The following YPEL2 variants were observed in gnomAD, a reference collection of about 807,000 sequenced individuals.
The protein encoded by YPEL2 is yippee like 2, also known as protein yippee-like 2.
Under a neutral mutation model 19.1 loss-of-function variants are expected in YPEL2, and 2 were observed. That is an observed-to-expected ratio of 0.10 (90% CI 0.04 to 0.33). The LOEUF (loss-of-function observed/expected upper bound fraction) is 0.33, where lower values mean the gene tolerates loss of function less well. YPEL2 is among the 10% of genes least tolerant of loss of function. YPEL2 has a pLI of 1.00. For missense variants in YPEL2, 66 were observed against 140.7 expected (o/e 0.47, Z 2.68); for synonymous variants, 52 against 50.0 (o/e 1.04, Z -0.17).
chr17:59,377,503 T>G (rs1480093664), intron 2 of YPEL2, among the ~76,000 whole-genome samples: 1 of 152,280 alleles, frequency 6.6e-6, no homozygotes, highest in East Asian at 1.9e-4. Context: ...GATGGGGATA[T>G]CTGATCATGG....
chr17:59,358,764 C>T (rs1351585028), intron 2 of YPEL2, among the ~76,000 whole-genome samples: 1 of 152,078 alleles, frequency 6.6e-6, no homozygotes, highest in Non-Finnish European at 1.5e-5. Flanking sequence ...CGCCCGCCTC[C>T]ACGCCCAGCT....
At chr17:59,347,474 T>TA (rs1377297224) in intron 1 of YPEL2, among the ~76,000 whole-genome samples, 2 of 152,152 alleles carry the variant, frequency 1.3e-5, no homozygotes, top group Non-Finnish European at 1.5e-5. Flanking sequence ...CTGAAAACTT[T>TA]AAGAGTGATG....
At chr17:59,374,555 G>C (rs750036321) in intron 2 of YPEL2, among the ~76,000 whole-genome samples, 1 of 152,170 alleles carries the variant, frequency 6.6e-6, no homozygotes, top group Non-Finnish European at 1.5e-5. Context: ...AATGTACTTC[G>C]GTTTGTGCAT....
At chr17:59,372,870 A>T (rs757637287) in intron 2 of YPEL2, among the ~76,000 whole-genome samples, 1 of 152,168 alleles carries the variant, frequency 6.6e-6, no homozygotes, top group African/African-American at 2.4e-5. Flanking sequence ...CATACAGTGT[A>T]GTGTTGTTAT....
intron 1 of YPEL2, among the ~76,000 whole-genome samples, chr17:59,338,084 C>G (rs188004858): frequency 1.6e-4 from 25 of 152,310 alleles, no homozygotes; most frequent in Admixed American, 1.4e-3. Context: ...TCAGCAATAC[C>G]TGGGTCTCCT....
rs1444804441 is a variant in YPEL2 at position 59,397,272 on chromosome 17, CACT to C, written c.*83_*85del. On this transcript the variant is annotated 3_prime_UTR_variant, in exon 5 of 5. Coordinates refer to ENST00000312655, the MANE Select transcript of YPEL2 (RefSeq NM_001005404.4). ...TTCCCAAGCGTGAGAGAGTGACTGA[CACT>C]TGGTTCCATCCATTTAGGGGCCTTG... The C allele has an allele frequency of 8.8e-7, 1 of 1,136,808 alleles. No homozygotes were observed. Among genetic ancestry groups the C allele is most frequent in the African/African-American group, 1.6e-5 (1 of 62,518 alleles). The allele number at this position is 1,136,808 out of a possible 1,614,324, so 70.4% of individuals were successfully genotyped here.
chr17:59,359,946 C>T (rs2047831982), intron 2 of YPEL2, among the ~76,000 whole-genome samples: 1 of 152,226 alleles, frequency 6.6e-6, no homozygotes. Context: ...GTTGCCCAGG[C>T]TGGAGTGCAG....
intron 2 of YPEL2, among the ~76,000 whole-genome samples, chr17:59,381,916 TC>T (rs1480639071): frequency 1.3e-5 from 2 of 152,132 alleles, no homozygotes; most frequent in African/African-American, 2.4e-5. Context: ...TTCCTTAACT[TC>T]CTTTCAGTCT....
rs113529064 is a variant in YPEL2 at position 59,348,664 on chromosome 17, G to A, written c.-195-4551G>A. On this transcript the variant is annotated intron_variant, in intron 1 of 4. Transcript: ENST00000312655. ...ATCTTCCTTTAATTTCCACTGTGAT[G>A]GATTATTAGTTCACTTAAAATGGTG... 1.3e-3 allele frequency among the ~76,000 whole-genome samples: 203 copies of A among 152,276 alleles called. 1 individual carries two copies. Among genetic ancestry groups the A allele is most frequent in the African/African-American group, 4.7e-3 (194 of 41,548 alleles).
intron 2 of YPEL2, among the ~76,000 whole-genome samples, chr17:59,383,633 TA>T (rs1281973694): frequency 3.8e-5 from 4 of 104,296 alleles, no homozygotes; most frequent in Non-Finnish European, 5.7e-5. Context: ...TATATATATA[TA>T]TATATATATA....
rs561695666 is a variant in YPEL2, at chr17:59,384,763, G to T, written c.118-3564G>T. ...TGCTGGGATACCACTGCCCTGGTAA[G>T]TCTCACAATGTTGCCTGTCTCCCTG... On this transcript the variant is annotated intron_variant, in intron 2 of 4. Transcript: ENST00000312655. Among the ~76,000 whole-genome samples, 5 of 152,352 alleles carry T rather than the reference G, an allele frequency of 3.3e-5. No homozygotes were observed. The East Asian group carries it at 9.6e-4, about 29-fold the overall frequency.
chr17:59,378,863 G>A (rs1006268579), intron 2 of YPEL2, among the ~76,000 whole-genome samples: 2 of 152,132 alleles, frequency 1.3e-5, no homozygotes, highest in African/African-American at 4.8e-5. Flanking sequence ...ACGGGAGGAG[G>A]GGCCTTAAGA....
At chr17:59,370,324 A>G (rs928323540) in intron 2 of YPEL2, among the ~76,000 whole-genome samples, 1 of 152,158 alleles carries the variant, frequency 6.6e-6, no homozygotes, top group Admixed American at 6.5e-5. Flanking sequence ...CGGCCTCCCA[A>G]AGTGCTGGGA....
Position 59,366,634 on chromosome 17 carries a change from C to A in YPEL2, c.117+13108C>A, listed in dbSNP as rs1190368472. On this transcript the variant is annotated intron_variant, in intron 2 of 4. Transcript: ENST00000312655. ...GCCTCTCCCCACTGGGTGGGGGCTGCTTTGTTTACATTCCTGACCTTCTGA... is the reference window on the plus strand; with the variant it reads ...GCCTCTCCCCACTGGGTGGGGGCTGATTTGTTTACATTCCTGACCTTCTGA... Among the ~76,000 whole-genome samples the A allele has an allele frequency of 3.9e-5, 6 of 152,290 alleles. No homozygotes were observed. The East Asian group carries it at 1.2e-3, about 29-fold the overall frequency.
intron 4 of YPEL2, among the ~76,000 whole-genome samples, chr17:59,394,836 C>T (rs139461359): frequency 0.014 from 2,136 of 152,354 alleles, 48 homozygotes; most frequent in African/African-American, 0.047. Flanking sequence ...TCTGCAATCC[C>T]GGCACCTCGG....
At chr17:59,389,208 C>T in intron 3 of YPEL2, 152 bp from the exon 4 acceptor site, 1 of 591,178 alleles carries the variant, frequency 1.7e-6, no homozygotes, top group East Asian at 2.8e-5. Context: ...TTCCCTGTGG[C>T]CACCTTTTGG....
chr17:59,378,275 A>G (rs2047932025), intron 2 of YPEL2, among the ~76,000 whole-genome samples: 1 of 150,978 alleles, frequency 6.6e-6, no homozygotes, highest in Non-Finnish European at 1.5e-5. Context: ...AAAAGGGCCC[A>G]GTTTGTGTAG....
chr17:59,396,160 A>C (rs1260679125), intron 4 of YPEL2, among the ~76,000 whole-genome samples: 2 of 152,234 alleles, frequency 1.3e-5, no homozygotes, highest in Non-Finnish European at 2.9e-5. Context: ...AACTTTATGG[A>C]TCTAACCCAG....
rs538257784 is a variant in YPEL2 at position 59,345,986 on chromosome 17, G to A, written c.-195-7229G>A. Among the ~76,000 whole-genome samples the A allele has an allele frequency of 5.0e-4, 76 of 152,252 alleles. 1 individual carries two copies. The highest frequency in any genetic ancestry group is 1.7e-3 in the African/African-American group (72 of 41,536). On this transcript the variant is annotated intron_variant, in intron 1 of 4. Coordinates refer to ENST00000312655, the MANE Select transcript of YPEL2 (RefSeq NM_001005404.4). ...ACCTCTAGATCCTGCACTCTTAACC[G>A]CTGGGCAACACTGCTGCCCACCTCT...
Sources: gnomAD v4.1 joint callset for allele counts (sites outside exome capture counted in the v4.1 genomes callset) on GRCh38, gnomAD v4.1.1 for gene constraint, MANE v1.5 for transcripts, NCBI Gene and HGNC (gene_info 2026-07-23, HGNC 2026-07-21) for gene names.